TRA2A: variants seen among roughly 807,000 people sequenced by gnomAD.
TRA2A encodes the protein transformer-2 protein homolog alpha.
In TRA2A, 31 loss-of-function variants were observed where a neutral mutation model predicts 45.7. The ratio of observed to expected loss-of-function variants is 0.68; its 90% CI spans 0.51 to 0.92. TRA2A has a LOEUF of 0.92. Ranked by LOEUF, TRA2A falls within the 40% of genes least tolerant of loss-of-function variation. The probability of loss-of-function intolerance (pLI) is 0.00; values close to 1 mark genes in which losing one functional copy is unlikely to be tolerated. For synonymous variants in TRA2A, 132 were observed against 126.2 expected (o/e 1.05, Z -0.31); for missense variants, 304 against 367.5 (o/e 0.83, Z 1.41).
At chr7:23,516,838 G>A (rs1428689833) in intron 2 of TRA2A, among the ~76,000 whole-genome samples, 7 of 152,086 alleles carry the variant, frequency 4.6e-5, no homozygotes, top group Admixed American at 6.5e-5. Flanking sequence ...GGCCGGGTGC[G>A]GTGGCTCATG....
chr7:23,524,476 G>C (rs867996911), intron 1 of TRA2A, among the ~76,000 whole-genome samples: 3 of 151,176 alleles, frequency 2.0e-5, no homozygotes, highest in East Asian at 4.0e-4. Flanking sequence ...GAGCCACCGC[G>C]CCCGGCCAAC....
At chr7:23,519,577 ACT>A (rs1198992105) in intron 2 of TRA2A, among the ~76,000 whole-genome samples, 1 of 151,444 alleles carries the variant, frequency 6.6e-6, no homozygotes, top group East Asian at 1.9e-4. Context: ...AAACAAACAA[ACT>A]CTTCAACAGT....
Position 23,516,363 on chromosome 7 carries a change from C to A in TRA2A, c.336G>T (p.Arg112Ser), listed in dbSNP as rs1235389106. 6.2e-7 allele frequency: 1 copy of A among 1,613,902 alleles called. No homozygotes were observed. The highest frequency in any genetic ancestry group is 8.5e-7 in the Non-Finnish European group (1 of 1,179,980). Residue 112 changes from arginine to serine, a missense_variant and splice_region_variant, in exon 3 of 8, where the codon AGG becomes AGT. Around this residue, in one of 3 missense-constraint regions of TRA2A, gnomAD observed 130 missense variants for 217.1 expected, o/e 0.60. Coordinates refer to ENST00000297071, the MANE Select transcript of TRA2A (RefSeq NM_013293.5). Reference protein sequence around the residue: ...MSNRRRHTGSRANPDPNTCLG... With the variant: ...MSNRRRHTGSSANPDPNTCLG... The stretch of plus-strand genomic sequence containing the variant: ...TCATTAACTTTTATAAACCACGTAC[C>A]CTGCTGCCAGTATGTCTTCTCCGGT...
rs556941972 is a variant in TRA2A at position 23,531,428 on chromosome 7, C to T, written c.36+361G>A. 5.0e-5 allele frequency: 17 copies of T among 336,930 alleles called. No individual in the cohort carries two copies. In the South Asian group the frequency reaches 8.9e-4, roughly 18 times the overall value. The allele number at this position is 336,930 out of a possible 1,614,324, so 20.9% of individuals were successfully genotyped here. ...CAGGAAGCACCTACCACTATCCGGA[C>T]GGAGGGGAGCTCCCTGCCGCCTCCT... On this transcript the variant is annotated intron_variant, in intron 1 of 7. Coordinates refer to ENST00000297071, the MANE Select transcript of TRA2A (RefSeq NM_013293.5).
chr7:23,516,819 T>C (rs1319101935), intron 2 of TRA2A, among the ~76,000 whole-genome samples: 4 of 151,484 alleles, frequency 2.6e-5, no homozygotes, highest in African/African-American at 7.3e-5. Context: ...TGCTATAAAA[T>C]AAAATCGTGG....
At chr7:23,522,326 T>C (rs1790167412) in intron 1 of TRA2A, 1 of 1,216,814 alleles carries the variant, frequency 8.2e-7, no homozygotes, top group African/African-American at 1.6e-5. Context: ...TTTCCCCCAT[T>C]CAATTTTAAT....
At chr7:23,516,903 A>T (rs1026726308) in intron 2 of TRA2A, among the ~76,000 whole-genome samples, 43 of 151,586 alleles carry the variant, frequency 2.8e-4, no homozygotes, top group African/African-American at 9.2e-4. Flanking sequence ...AGATCAAGAG[A>T]TCAAGACCAT....
chr7:23,512,052 C>T (rs1320024872), intron 4 of TRA2A, among the ~76,000 whole-genome samples: 1 of 152,168 alleles, frequency 6.6e-6, no homozygotes, highest in African/African-American at 2.4e-5. Flanking sequence ...TACACATATA[C>T]TTTTTCCATT....
chr7:23,516,710 C>A (rs1177243070), intron 2 of TRA2A, among the ~76,000 whole-genome samples, 182 bp from the exon 3 acceptor site: 3 of 152,136 alleles, frequency 2.0e-5, no homozygotes, highest in South Asian at 2.1e-4. Flanking sequence ...CTCAGTCAAG[C>A]CCCTCTACAT....
At position 23,531,849 on chromosome 7, in the gene TRA2A, A is replaced by G. The variant is rs901860661; in HGVS notation, c.-25T>C. ...TGTCGACGAGGCGCTCCCCAGAACT[A>G]AATAAGAGACAAGTCTCGGCTCGAG... On this transcript the variant is annotated 5_prime_UTR_variant, in exon 1 of 8. Transcript: ENST00000297071. 3 of 1,613,340 alleles carry G rather than the reference A, an allele frequency of 1.9e-6. No homozygotes were observed. The highest frequency in any genetic ancestry group is 2.5e-6 in the Non-Finnish European group (3 of 1,179,942).
chr7:23,509,904 T>A (rs1189175081), intron 4 of TRA2A, among the ~76,000 whole-genome samples: 1 of 152,018 alleles, frequency 6.6e-6, no homozygotes, highest in Non-Finnish European at 1.5e-5. Flanking sequence ...TGCGCACCTG[T>A]TGTCCCAGCT....
At chr7:23,515,133 T>C (rs1032705684) in intron 3 of TRA2A, among the ~76,000 whole-genome samples, 1 of 152,206 alleles carries the variant, frequency 6.6e-6, no homozygotes, top group Non-Finnish European at 1.5e-5. Flanking sequence ...AATATTTCTT[T>C]GACCCCCTTA....
chr7:23,521,615 T>A, intron 2 of TRA2A, 92 bp downstream of exon 2: 1 of 1,434,018 alleles, frequency 7.0e-7, no homozygotes, highest in Non-Finnish European at 9.7e-7. Flanking sequence ...TTTGAGTCTT[T>A]CGTGAAATTT....
intron 4 of TRA2A, among the ~76,000 whole-genome samples, chr7:23,509,033 C>A (rs1789473303): frequency 6.6e-6 from 1 of 151,816 alleles, no homozygotes; most frequent in Admixed American, 6.6e-5. Context: ...TTTGTAGAGA[C>A]CAAGTCTCCC....
rs949566570 is a variant in TRA2A at position 23,505,490 on chromosome 7, A to T, written c.*69T>A. 70 of 572,798 alleles carry T rather than the reference A, an allele frequency of 1.2e-4. No homozygotes were observed. Among genetic ancestry groups the T allele is most frequent in the Admixed American group, 3.5e-4 (10 of 28,260 alleles). The allele number at this position is 572,798 out of a possible 1,614,324, so 35.5% of individuals were successfully genotyped here. A position where few individuals can be genotyped will look rare whatever the true frequency, so the allele number is the denominator to read the frequency against. ...TAGGAAGAATCCACAGCTTGGGGAA[A>T]TCTCAGAATTAAAAAAAAAAAAAAA... On this transcript the variant is annotated 3_prime_UTR_variant, in exon 8 of 8. Transcript: ENST00000297071.
At position 23,516,343 on chromosome 7, in the gene TRA2A, A is replaced by G; in HGVS notation, c.336+20T>C. 1 of 1,612,980 alleles carries G rather than the reference A, an allele frequency of 6.2e-7. No homozygotes were observed. The highest frequency in any genetic ancestry group is 8.5e-7 in the Non-Finnish European group (1 of 1,179,428). ...ATAAAAGAGAAAATAAGTCTTCATT[A>G]ACTTTTATAAACCACGTACCCTGCT... On this transcript the variant is annotated intron_variant, in intron 3 of 7. Transcript: ENST00000297071.
intron 1 of TRA2A, among the ~76,000 whole-genome samples, chr7:23,526,408 T>C (rs1790342360): frequency 6.6e-6 from 1 of 152,226 alleles, no homozygotes; most frequent in Admixed American, 6.5e-5. Context: ...TTCCTGCTAC[T>C]TTATGACACT....
At position 23,531,731 on chromosome 7, in the gene TRA2A, C is replaced by T. The variant is rs879104865; in HGVS notation, c.36+58G>A. The T allele has an allele frequency of 4.4e-5, 70 of 1,602,814 alleles. 1 individual carries two copies. The South Asian group carries it at 7.6e-4, about 17-fold the overall frequency. Reference sequence around the variant, plus strand: ...CAACCCCGCCCGACCGCGCTTGTTCCCGTGAAACCCCGAGCATTGGGCCGC... The same window carrying T: ...CAACCCCGCCCGACCGCGCTTGTTCTCGTGAAACCCCGAGCATTGGGCCGC... On this transcript the variant is annotated intron_variant, in intron 1 of 7. Transcript: ENST00000297071.
Position 23,516,348 on chromosome 7 carries a change from T to C in TRA2A, c.336+15A>G. ...AGAGAAAATAAGTCTTCATTAACTT[T>C]TATAAACCACGTACCCTGCTGCCAG... On this transcript the variant is annotated intron_variant, in intron 3 of 7. Coordinates refer to ENST00000297071, the MANE Select transcript of TRA2A (RefSeq NM_013293.5). 3 of 1,613,606 alleles carry C rather than the reference T, an allele frequency of 1.9e-6. No homozygotes were observed. The highest frequency in any genetic ancestry group is 2.5e-6 in the Non-Finnish European group (3 of 1,179,836).
Sources: allele counts gnomAD v4.1 joint callset (sites outside exome capture counted in the v4.1 genomes callset), GRCh38; gene constraint gnomAD v4.1.1; regional missense constraint gnomAD v4.1.1; transcripts MANE v1.5; gene names NCBI Gene and HGNC (gene_info 2026-07-23, HGNC 2026-07-21).